The following BICRA variants were observed in gnomAD, a reference collection of about 807,000 sequenced individuals.
The protein encoded by BICRA is BRD4-interacting chromatin-remodeling complex-associated protein.
Under a neutral mutation model 96.9 loss-of-function variants are expected in BICRA, and 31 were observed. The ratio of observed to expected loss-of-function variants is 0.32; its 90% CI spans 0.24 to 0.43. The LOEUF is 0.43. BICRA is among the 20% of genes least tolerant of loss of function. BICRA has a pLI of 1.00. For missense variants in BICRA, 2,283 were observed against 2,190.3 expected, an observed-to-expected ratio of 1.04 and a Z score of -0.84; for synonymous variants, 1,350 against 1,071.8, an observed-to-expected ratio of 1.26 and a Z score of -5.07.
intron 1 of BICRA, among the ~76,000 whole-genome samples, chr19:47,630,562 C>T (rs1469264857): frequency 1.3e-5 from 2 of 152,184 alleles, no homozygotes; most frequent in Non-Finnish European, 2.9e-5. Flanking sequence ...CTTCATGGTT[C>T]ATCCCTGTTG....
At chr19:47,653,548 A>G (rs1432283989) in intron 1 of BICRA, among the ~76,000 whole-genome samples, 2 of 152,136 alleles carry the variant, frequency 1.3e-5, no homozygotes, top group Non-Finnish European at 2.9e-5. Context: ...GCAACCACGC[A>G]TCTACTTTCG....
intron 1 of BICRA, among the ~76,000 whole-genome samples, chr19:47,660,439 A>G (rs1972687405): frequency 6.6e-6 from 1 of 152,226 alleles, no homozygotes; most frequent in African/African-American, 2.4e-5. Context: ...GGATGGCCAC[A>G]TCCACAGGTT....
intron 1 of BICRA, among the ~76,000 whole-genome samples, chr19:47,627,635 C>T (rs1451159256): frequency 2.6e-5 from 4 of 152,152 alleles, no homozygotes; most frequent in African/African-American, 9.7e-5. Context: ...TGCAGTTCCA[C>T]TTTGCCCCAC....
rs747448151 is a variant in BICRA, at chr19:47,701,769, C to T, written c.4037C>T (p.Pro1346Leu). ...PPATLKVAEP[P>L]PRPPPPPPPT... Reference sequence around the variant, plus strand: ...GCTACCCTCAAGGTGGCCGAGCCCCCGCCACGGCCGCCACCACCACCGCCG... The same window carrying T: ...GCTACCCTCAAGGTGGCCGAGCCCCTGCCACGGCCGCCACCACCACCGCCG... Residue 1346 changes from proline to leucine, a missense_variant, in exon 15 of 15, where the codon CCG becomes CTG. Coordinates refer to ENST00000594866, the MANE Select transcript of BICRA (RefSeq NM_001394372.1). This position sits in a 1 kb window ranked among gnomAD's most constrained non-coding sequence, Gnocchi z 5.4. The T allele has an allele frequency of 1.5e-4, 227 of 1,538,228 alleles. No homozygotes were observed. Among genetic ancestry groups the T allele is most frequent in the Non-Finnish European group, 1.9e-4 (222 of 1,141,468 alleles).
At position 47,673,635 on chromosome 19, in the gene BICRA, C is replaced by T. The variant is rs939124186; in HGVS notation, c.41+20C>T. 3.2e-6 allele frequency: 5 copies of T among 1,579,926 alleles called. No individual in the cohort carries two copies. Among genetic ancestry groups the T allele is most frequent in the Non-Finnish European group, 4.4e-6 (5 of 1,149,094 alleles). On this transcript the variant is annotated intron_variant, in intron 3 of 14. Transcript: ENST00000594866. Reference sequence around the variant, plus strand: ...GATTTGGTGAGTAACGGGCTCCCCACCCCCTGCCCTCTGTCTCAACCCCCT... The same window carrying T: ...GATTTGGTGAGTAACGGGCTCCCCATCCCCTGCCCTCTGTCTCAACCCCCT...
At chr19:47,627,301 G>A (rs1176787313) in intron 1 of BICRA, among the ~76,000 whole-genome samples, 3 of 152,136 alleles carry the variant, frequency 2.0e-5, no homozygotes, top group African/African-American at 7.2e-5. Flanking sequence ...TGTAGGTCTA[G>A]AGCCAACTGT....
At position 47,698,387 on chromosome 19, in the gene BICRA, A is replaced by C. The variant is rs748521938; in HGVS notation, c.3249-247A>C. On this transcript the variant is annotated intron_variant, in intron 11 of 14. Coordinates refer to ENST00000594866, the MANE Select transcript of BICRA (RefSeq NM_001394372.1). The surrounding 1 kb of genome is among the most constrained non-coding windows in gnomAD (Gnocchi z 4.8). ...ACGTGCTTTGGAGAGGAGTGACTTC[A>C]CTTCCTCGACCTCACCTTCCCTTTC... Among the ~76,000 whole-genome samples, 28 of 152,002 alleles carry C rather than the reference A, an allele frequency of 1.8e-4. No individual in the cohort carries two copies. Among genetic ancestry groups the C allele is most frequent in the Admixed American group, 1.6e-3 (25 of 15,266 alleles).
chr19:47,612,377 C>T (rs990842022), intron 1 of BICRA, among the ~76,000 whole-genome samples: 19 of 151,346 alleles, frequency 1.3e-4, no homozygotes, highest in African/African-American at 4.4e-4. Flanking sequence ...GATTGTGCCA[C>T]TGCTCTCAAG....
chr19:47,621,577 A>G (rs1235606060), intron 1 of BICRA, among the ~76,000 whole-genome samples: 3 of 150,394 alleles, frequency 2.0e-5, no homozygotes, highest in African/African-American at 7.4e-5. Context: ...AGGTTCAAGC[A>G]ATTCTCCTGC....
intron 1 of BICRA, among the ~76,000 whole-genome samples, chr19:47,618,189 C>A (rs189489838): frequency 6.6e-6 from 1 of 152,094 alleles, no homozygotes; most frequent in Non-Finnish European, 1.5e-5. Context: ...CAGAAATCGT[C>A]CTCATAAAGG....
rs1274698610 is a variant in BICRA, at chr19:47,699,219, A to T, written c.3493-84A>T. ...AGCTCCCATCACAAGGACAGTTTGG[A>T]CCTTGCACGCATCGTCCCCGTCGCT... On this transcript the variant is annotated intron_variant, in intron 13 of 14. Coordinates refer to ENST00000594866, the MANE Select transcript of BICRA (RefSeq NM_001394372.1). The surrounding 1 kb of genome is among the most constrained non-coding windows in gnomAD (Gnocchi z 5.0). 15 of 896,726 alleles carry T rather than the reference A, an allele frequency of 1.7e-5. No individual in the cohort carries two copies. In the South Asian group the frequency reaches 2.1e-4, roughly 13 times the overall value. The allele number at this position is 896,726 out of a possible 1,614,324, so 55.5% of individuals were successfully genotyped here. A position where few individuals can be genotyped will look rare whatever the true frequency, so the allele number is the denominator to read the frequency against.
intron 1 of BICRA, among the ~76,000 whole-genome samples, chr19:47,646,382 G>C (rs1338979580): frequency 3.3e-5 from 5 of 152,208 alleles, no homozygotes; most frequent in Admixed American, 1.3e-4. Context: ...TGAGTTTGGA[G>C]TGGAGGCTTT....
At chr19:47,611,665 C>T (rs559622181) in intron 1 of BICRA, among the ~76,000 whole-genome samples, 2 of 152,316 alleles carry the variant, frequency 1.3e-5, no homozygotes, top group South Asian at 2.1e-4. Context: ...CTTGCCTGTT[C>T]TCCTTGGCAT....
chr19:47,680,068 A>G lies in BICRA; in HGVS notation c.898A>G (p.Thr300Ala), dbSNP rs1212568904. ...GAACCTCTCGGCCGCTGTGGCCACC[A>G]CGCTCAATGGGAACTCTGTGTTCGG... ...QKNLSAAVAT[T>A]LNGNSVFGGA... Residue 300 changes from threonine to alanine, a missense_variant, in exon 6 of 15, where the codon ACG becomes GCG. By Grantham distance (58) the Thr-to-Ala change is moderately conservative. Transcript: ENST00000594866. The G allele has an allele frequency of 1.9e-6, 3 of 1,563,126 alleles. No individual in the cohort carries two copies. Among genetic ancestry groups the G allele is most frequent in the Non-Finnish European group, 2.6e-6 (3 of 1,165,354 alleles).
chr19:47,638,349 C>T (rs1311189354), intron 1 of BICRA, among the ~76,000 whole-genome samples: 1 of 152,182 alleles, frequency 6.6e-6, no homozygotes, highest in Non-Finnish European at 1.5e-5. Context: ...GCCTGGGAAA[C>T]AGCTTTTCTC....
intron 7 of BICRA, among the ~76,000 whole-genome samples, chr19:47,688,490 G>A (rs747678160): frequency 6.6e-6 from 1 of 151,960 alleles, no homozygotes; most frequent in Non-Finnish European, 1.5e-5. Context: ...CAAGCAGTTG[G>A]TAAAAAAAAA....
rs1302843427 is a variant in BICRA at position 47,680,192 on chromosome 19, A to G, written c.1022A>G (p.Asn341Ser). 6 of 1,547,494 alleles carry G rather than the reference A, an allele frequency of 3.9e-6. No individual in the cohort carries two copies. Among genetic ancestry groups the G allele is most frequent in the Middle Eastern group, 1.7e-4 (1 of 5,996 alleles). ...LGSSPLVPAPNVILHRTPTPI... is the reference protein window; with the variant it reads ...LGSSPLVPAPSVILHRTPTPI... ...TCGTCGCCACTGGTCCCGGCGCCCA[A>G]CGTGATCCTGCATCGCACACCCACG... The change falls in exon 6 of 15, where the codon AAC becomes AGC. Residue 341 changes from asparagine (N) to serine (S), a missense_variant. Physicochemically the swap from Asn to Ser is conservative, Grantham distance 46. Coordinates refer to ENST00000594866, the MANE Select transcript of BICRA (RefSeq NM_001394372.1).
At chr19:47,690,813 T>C (rs200768531) in intron 7 of BICRA, among the ~76,000 whole-genome samples, 3,627 of 148,034 alleles carry the variant, frequency 0.025, 60 homozygotes, top group Non-Finnish European at 0.032. Flanking sequence ...TGTGTGTGTG[T>C]GCGCACTTTT....
chr19:47,680,593 C>T lies in BICRA; in HGVS notation c.1423C>T (p.Pro475Ser), dbSNP rs1473284472. ...GCCGGGCCAGAACCAGTTCCTACTG[C>T]CTGGCGCCCCGGCGGTCCAGCTCCC... ...MLPGQNQFLL[P>S]GAPAVQLPQQ... The change falls in exon 6 of 15, where the codon CCT (proline) becomes TCT (serine). Residue 475 changes from proline (P) to serine (S), a missense_variant. Physicochemically the swap from Pro to Ser is moderately conservative, Grantham distance 74. Transcript: ENST00000594866. 2 of 1,608,560 alleles carry T rather than the reference C, an allele frequency of 1.2e-6. No individual in the cohort carries two copies. Among genetic ancestry groups the T allele is most frequent in the Non-Finnish European group, 1.7e-6 (2 of 1,178,334 alleles).
Sources: gnomAD v4.1 joint callset for allele counts (sites outside exome capture counted in the v4.1 genomes callset) on GRCh38, gnomAD v4.1.1 for gene constraint, Gnocchi (gnomAD v3.1) non-coding constraint, MANE v1.5 for transcripts, NCBI Gene and HGNC (gene_info 2026-07-23, HGNC 2026-07-21) for gene names.